Variants in ADAM17 observed in about 807,000 individuals in gnomAD.
ADAM17 encodes the protein ADAM metallopeptidase domain 17, also known as disintegrin and metalloproteinase domain-containing protein 17.
In ADAM17, 39 loss-of-function variants were observed where a neutral mutation model predicts 96.7. The observed-to-expected ratio is 0.40, with a 90% CI of 0.31 to 0.53. The LOEUF (loss-of-function observed/expected upper bound fraction) is 0.53, where lower values mean the gene tolerates loss of function less well. Ranked by LOEUF, ADAM17 falls within the 20% of genes least tolerant of loss-of-function variation. ADAM17 has a pLI of 0.44. For synonymous variants in ADAM17, 344 were observed against 359.2 expected, an observed-to-expected ratio of 0.96 and a Z score of 0.48; for missense variants, 777 against 1,013.2, an observed-to-expected ratio of 0.77 and a Z score of 3.17.
intron 14 of ADAM17, 180 bp from the exon 15 acceptor site, chr2:9,494,947 A>G: frequency 1.6e-6 from 1 of 625,786 alleles, no homozygotes; most frequent in East Asian, 3.1e-5. Context: ...CACACTCCTC[A>G]GCCTTCAGTG....
At chr2:9,504,679 T>C (rs1318885669) in intron 12 of ADAM17, among the ~76,000 whole-genome samples, 4 of 149,982 alleles carry the variant, frequency 2.7e-5, no homozygotes, top group African/African-American at 9.9e-5. Flanking sequence ...GGGGAATCAC[T>C]TGAACCCGGG....
At chr2:9,538,016 A>AGAGGG (rs1390918729) in intron 2 of ADAM17, among the ~76,000 whole-genome samples, 12 of 31,850 alleles carry the variant, frequency 3.8e-4, no homozygotes, top group African/African-American at 1.6e-3. Flanking sequence ...GGAGGGGAGG[A>AGAGGG]GAGGGGAGGG....
chr2:9,536,652 C>G, intron 3 of ADAM17, 46 bp downstream of exon 3: 1 of 1,609,170 alleles, frequency 6.2e-7, no homozygotes, highest in South Asian at 1.1e-5. Context: ...GATTTGGAGA[C>G]CTAATACACC....
intron 12 of ADAM17, 42 bp downstream of exon 12, chr2:9,505,124 G>A (rs763762923): frequency 6.2e-7 from 1 of 1,604,098 alleles, no homozygotes; most frequent in Non-Finnish European, 8.5e-7. Context: ...TGGACATCTT[G>A]TTATACCAAC....
intron 11 of ADAM17, among the ~76,000 whole-genome samples, chr2:9,506,359 G>GTTTTTT (rs769256744): frequency 1.4e-5 from 1 of 73,208 alleles, no homozygotes; most frequent in African/African-American, 5.7e-5. Flanking sequence ...CTTCAAATCT[G>GTTTTTT]TTTTTTTTTT....
Position 9,543,168 on chromosome 2 carries a change from A to G in ADAM17, c.215T>C (p.Phe72Ser). 1 of 1,587,426 alleles carries G rather than the reference A, an allele frequency of 6.3e-7. No individual in the cohort carries two copies. Among genetic ancestry groups the G allele is most frequent in the African/African-American group, 1.4e-5 (1 of 73,498 alleles). Residue 72 changes from phenylalanine to serine, a missense_variant, in exon 2 of 19, where the codon TTT becomes TCT. Phe to Ser is a radical substitution (Grantham distance 155, BLOSUM62 -2). This residue lies in a region of ADAM17 where 134 missense variants were observed against 129.1 expected (regional missense o/e 1.04). Transcript: ENST00000310823. ...TSTHVETLLTFSALKRHFKLY... is the reference protein window; with the variant it reads ...TSTHVETLLTSSALKRHFKLY... ...TTCAAATTACCTTTTCAAAGCTGAA[A>G]AAGTTAGTAGTGTTTCTACATGTGT... is the stretch of plus-strand genomic sequence containing the variant.
rs752733411 is a variant in ADAM17 at position 9,518,152 on chromosome 2, A to C, written c.1053T>G (p.Ala351=). ...TGTTTGCTCTGGGAGAGCCAACATA[A>C]GCTAATCCAAGAGTTCCCATATCAA... is the stretch of plus-strand genomic sequence containing the variant. ...QDFDMGTLGL[A]YVGSPRANSH... The change falls in exon 9 of 19, where the codon GCT becomes GCG. Residue 351 remains alanine, a synonymous_variant. Coordinates refer to ENST00000310823, the MANE Select transcript of ADAM17 (RefSeq NM_003183.6). The C allele has an allele frequency of 6.2e-7, 1 of 1,604,144 alleles. No homozygotes were observed. The highest frequency in any genetic ancestry group is 8.5e-7 in the Non-Finnish European group (1 of 1,177,388).
At chr2:9,497,292 T>A (rs1402142551) in intron 13 of ADAM17, 44 bp from the exon 14 acceptor site, 1 of 1,610,076 alleles carries the variant, frequency 6.2e-7, no homozygotes. Flanking sequence ...GAGTCACAGG[T>A]CCACCAGTTC....
chr2:9,513,101 TCTC>T (rs561841088), intron 10 of ADAM17, among the ~76,000 whole-genome samples: 55 of 152,162 alleles, frequency 3.6e-4, no homozygotes, highest in Non-Finnish European at 6.8e-4. Context: ...TTCAAGCACT[TCTC>T]CTGCCTCAGC....
intron 2 of ADAM17, among the ~76,000 whole-genome samples, chr2:9,538,569 C>G (rs1264133312): frequency 6.6e-6 from 1 of 152,048 alleles, no homozygotes; most frequent in Non-Finnish European, 1.5e-5. Context: ...TTATAAATGT[C>G]TTATTATTTT....
chr2:9,502,341 TAC>T, intron 12 of ADAM17, 65 bp from the exon 13 acceptor site: 1 of 1,386,478 alleles, frequency 7.2e-7, no homozygotes. Context: ...AATCAAACGC[TAC>T]AGTTACGTTA....
intron 2 of ADAM17, among the ~76,000 whole-genome samples, chr2:9,540,668 A>G (rs1445908867): frequency 6.6e-6 from 1 of 152,240 alleles, no homozygotes; most frequent in Admixed American, 6.5e-5. Context: ...ATGACAATGA[A>G]CCAATCTCCT....
At position 9,496,612 on chromosome 2, in the gene ADAM17, G is replaced by A. The variant is rs371643025; in HGVS notation, c.1783+502C>T. On this transcript the variant is annotated intron_variant, in intron 14 of 18. Transcript: ENST00000310823. ...CAGCAGGAGAGAGGCTCCTGCCCCA[G>A]GCTGCTCTAAGAGATCAGAGGGGAG... is the stretch of plus-strand genomic sequence containing the variant. 7.8e-5 allele frequency: 12 copies of A among 153,184 alleles called. 1 individual carries two copies. The highest frequency in any genetic ancestry group is 2.9e-4 in the African/African-American group (12 of 41,438). The allele number at this position is 153,184 out of a possible 1,614,324, so 9.5% of individuals were successfully genotyped here.
Position 9,490,508 on chromosome 2 carries a change from A to G in ADAM17, c.2144T>C (p.Met715Thr). The change falls in exon 19 of 19, where the codon ATG becomes ACG. Residue 715 changes from methionine (M) to threonine (T), a missense_variant. Met to Thr is a moderately conservative substitution (Grantham distance 81). Around this residue, in one of 3 missense-constraint regions of ADAM17, gnomAD observed 197 missense variants for 219.4 expected, o/e 0.90. Transcript: ENST00000310823. ...CGATGCAGAATCCATGCTGCTCAGC[A>G]TTTCGACGTTCTGCAAAGACATGGG... The part of the protein sequence containing the change: ...LSLFHPSNVE[M>T]LSSMDSASVR... The G allele has an allele frequency of 1.2e-6, 2 of 1,611,032 alleles. No homozygotes were observed. The highest frequency in any genetic ancestry group is 1.7e-6 in the Non-Finnish European group (2 of 1,177,600).
At chr2:9,505,420 C>A in intron 11 of ADAM17, 55 bp from the exon 12 acceptor site, 1 of 1,525,358 alleles carries the variant, frequency 6.6e-7, no homozygotes, top group South Asian at 1.1e-5. Context: ...AATGTATTCC[C>A]ATGCAATGTT....
chr2:9,539,858 G>C (rs1665133840), intron 2 of ADAM17, among the ~76,000 whole-genome samples: 1 of 152,044 alleles, frequency 6.6e-6, no homozygotes, highest in African/African-American at 2.4e-5. Flanking sequence ...ATCTACAAAT[G>C]GAAATAATAT....
intron 11 of ADAM17, among the ~76,000 whole-genome samples, chr2:9,508,088 A>G (rs1663520921): frequency 6.6e-6 from 1 of 152,218 alleles, no homozygotes. Flanking sequence ...ATGTCCACCC[A>G]GGCAGTCTGC....
chr2:9,498,101 CTTACTGCAGCCTCAAACTCCTAGG>C (rs1466954777), intron 13 of ADAM17, among the ~76,000 whole-genome samples: 1 of 152,190 alleles, frequency 6.6e-6, no homozygotes, highest in East Asian at 1.9e-4. Context: ...GTGATCATAG[CTTACTGCAGCCTCAAACTCCTAGG>C]TTCCGGCAAT....
rs188581807 is a variant in ADAM17 at position 9,543,731 on chromosome 2, G to A, written c.98-446C>T. Among the ~76,000 whole-genome samples, 412 of 152,312 alleles carry A rather than the reference G, an allele frequency of 2.7e-3. 1 individual carries two copies. Among genetic ancestry groups the A allele is most frequent in the African/African-American group, 9.4e-3 (390 of 41,566 alleles). On this transcript the variant is annotated intron_variant, in intron 1 of 18. Transcript: ENST00000310823. The stretch of plus-strand genomic sequence containing the variant: ...AAGCTAAAAAAGTGGATCTCGTGGA[G>A]GTAGACAGCAGAATGGTGGTTACCA...
Sources: allele counts gnomAD v4.1 joint callset (sites outside exome capture counted in the v4.1 genomes callset), GRCh38; gene constraint gnomAD v4.1.1; regional missense constraint gnomAD v4.1.1; transcripts MANE v1.5; gene names NCBI Gene and HGNC (gene_info 2026-07-23, HGNC 2026-07-21).